AFAP1: variants seen among roughly 807,000 people sequenced by gnomAD.
AFAP1 encodes the protein actin filament-associated protein 1.
In AFAP1, 75 loss-of-function variants were observed where a neutral mutation model predicts 93.9. That is an observed-to-expected ratio of 0.80 (90% CI 0.66 to 0.97). The LOEUF (loss-of-function observed/expected upper bound fraction) is 0.97. Among genes scored for constraint, AFAP1 ranks in the 50% least tolerant of loss-of-function variants. The probability of loss-of-function intolerance (pLI) is 0.00; values close to 1 mark genes in which losing one functional copy is unlikely to be tolerated. For synonymous variants in AFAP1, 517 were observed against 430.7 expected (o/e 1.20, Z -2.48); for missense variants, 1,201 against 1,050.8 (o/e 1.14, Z -1.98).
intron 1 of AFAP1, among the ~76,000 whole-genome samples, chr4:7,927,550 C>T (rs769900730): frequency 8.5e-5 from 13 of 152,296 alleles, no homozygotes; most frequent in East Asian, 5.8e-4. Flanking sequence ...ACAGGCCAGG[C>T]GCGGTGGCTC....
At chr4:7,885,465 C>A (rs747761016) in intron 1 of AFAP1, among the ~76,000 whole-genome samples, 18 of 152,258 alleles carry the variant, frequency 1.2e-4, no homozygotes, top group Middle Eastern at 6.8e-3. Flanking sequence ...CGCCTCAGGC[C>A]GACCATCACC....
intron 14 of AFAP1, chr4:7,776,136 C>T (rs1716090846): frequency 6.6e-6 from 1 of 152,196 alleles, no homozygotes; most frequent in African/African-American, 2.4e-5. Flanking sequence ...ATCACTCACG[C>T]CTGAAGGCAA....
chr4:7,892,566 T>G (rs1718531562), intron 1 of AFAP1, among the ~76,000 whole-genome samples: 1 of 152,170 alleles, frequency 6.6e-6, no homozygotes, highest in Non-Finnish European at 1.5e-5. Context: ...CCCATTCACC[T>G]CCATCTTTTT....
intron 10 of AFAP1, among the ~76,000 whole-genome samples, chr4:7,796,320 T>G (rs1159477226): frequency 6.6e-6 from 1 of 152,222 alleles, no homozygotes; most frequent in Non-Finnish European, 1.5e-5. Flanking sequence ...CCAAGCATGA[T>G]GGACTATATA....
intron 1 of AFAP1, among the ~76,000 whole-genome samples, chr4:7,878,888 G>A (rs78397565): frequency 0.034 from 5,138 of 152,164 alleles, 128 homozygotes; most frequent in Non-Finnish European, 0.053. Flanking sequence ...TTTTGCTCCC[G>A]GTGGAAGAAG....
chr4:7,919,020 C>A (rs895401159), intron 1 of AFAP1, among the ~76,000 whole-genome samples: 88 of 149,802 alleles, frequency 5.9e-4, no homozygotes, highest in African/African-American at 7.4e-4. Flanking sequence ...ATGAGACACT[C>A]GGCCCAGGTC....
intron 14 of AFAP1, chr4:7,776,398 G>A (rs11729602): frequency 0.2 from 30,090 of 152,082 alleles, 3,843 homozygotes; most frequent in Non-Finnish European, 0.29. Flanking sequence ...GTGTGTGTGC[G>A]TGCGTGTGCA....
intron 1 of AFAP1, among the ~76,000 whole-genome samples, chr4:7,893,376 C>T (rs1718583393): frequency 6.6e-6 from 1 of 152,008 alleles, no homozygotes. Context: ...GTTAGGAGAT[C>T]CAGACCATCC....
intron 16 of AFAP1, among the ~76,000 whole-genome samples, chr4:7,769,271 G>T (rs897734960): frequency 1.3e-5 from 2 of 152,184 alleles, no homozygotes; most frequent in African/African-American, 4.8e-5. Flanking sequence ...GAAGCAGTGA[G>T]GGTGGGATTC....
intron 17 of AFAP1, among the ~76,000 whole-genome samples, chr4:7,768,151 T>A (rs1442039059): frequency 6.6e-6 from 1 of 152,196 alleles, no homozygotes; most frequent in African/African-American, 2.4e-5. Flanking sequence ...TTCCAGCCCC[T>A]CGGGGCGGGG....
chr4:7,822,590 T>TTC (rs1300060923), intron 6 of AFAP1, among the ~76,000 whole-genome samples: 1 of 92,978 alleles, frequency 1.1e-5, no homozygotes, highest in Non-Finnish European at 3.2e-5. Context: ...TTTTTTCTTT[T>TTC]TTTTTTTTTT....
intron 3 of AFAP1, among the ~76,000 whole-genome samples, chr4:7,861,167 A>G (rs1715633368): frequency 6.6e-6 from 1 of 152,242 alleles, no homozygotes; most frequent in Non-Finnish European, 1.5e-5. Context: ...AAAATCTGTT[A>G]GGAGTAACAG....
intron 9 of AFAP1, among the ~76,000 whole-genome samples, chr4:7,804,463 C>T (rs1719323827): frequency 2.4e-5 from 1 of 42,094 alleles, no homozygotes; most frequent in Non-Finnish European, 4.1e-5. Flanking sequence ...TGCAACAACA[C>T]TGTGGCAAGA....
chr4:7,873,211 C>A (rs1364289947), intron 1 of AFAP1, among the ~76,000 whole-genome samples: 16 of 136,680 alleles, frequency 1.2e-4, no homozygotes, highest in African/African-American at 4.1e-4. Flanking sequence ...CCACTGCACT[C>A]CAGCCTGGGC....
chr4:7,772,591 C>T lies in AFAP1; in HGVS notation c.2253+229G>A, dbSNP rs2148961149. The T allele has an allele frequency of 7.4e-6, 4 of 540,596 alleles. No homozygotes were observed. The East Asian group carries it at 1.2e-4, about 16-fold the overall frequency. The allele number at this position is 540,596 out of a possible 1,614,324, so 33.5% of individuals were successfully genotyped here. A position where few individuals can be genotyped will look rare whatever the true frequency, so the allele number is the denominator to read the frequency against. On this transcript the variant is annotated intron_variant, in intron 16 of 17. Coordinates refer to ENST00000420658, the MANE Select transcript of AFAP1 (RefSeq NM_001134647.2). ...GCAAAGGGGAAAGACACAGACTCAG[C>T]ATTTCCACAGCTTTTAACATTTCAG...
intron 1 of AFAP1, among the ~76,000 whole-genome samples, chr4:7,920,019 C>G (rs148282374): frequency 0.014 from 2,195 of 152,216 alleles, 57 homozygotes; most frequent in African/African-American, 0.051. Flanking sequence ...TGTGTATGTA[C>G]CACATTTTCT....
intron 1 of AFAP1, among the ~76,000 whole-genome samples, chr4:7,895,147 C>T (rs1467689043): frequency 6.6e-6 from 1 of 152,234 alleles, no homozygotes; most frequent in Non-Finnish European, 1.5e-5. Flanking sequence ...GATCTGGACA[C>T]AGCGAATGAA....
intron 1 of AFAP1, among the ~76,000 whole-genome samples, chr4:7,901,443 C>T (rs1040638330): frequency 2.6e-5 from 4 of 152,228 alleles, no homozygotes; most frequent in African/African-American, 7.2e-5. Flanking sequence ...TACATACTTC[C>T]GGTGCTAAAT....
At chr4:7,911,066 C>A (rs571639312) in intron 1 of AFAP1, among the ~76,000 whole-genome samples, 1 of 152,358 alleles carries the variant, frequency 6.6e-6, no homozygotes, top group African/African-American at 2.4e-5. Flanking sequence ...ACGGGACACA[C>A]AGCCCATCTG....
Sources: gnomAD v4.1 joint callset for allele counts (sites outside exome capture counted in the v4.1 genomes callset) on GRCh38, gnomAD v4.1.1 for gene constraint, MANE v1.5 for transcripts, NCBI Gene and HGNC (gene_info 2026-07-23, HGNC 2026-07-21) for gene names.